The following P3H2 variants were observed in gnomAD, a reference collection of about 807,000 sequenced individuals.
P3H2 encodes the protein leprecan-like 1.
In P3H2, 80 loss-of-function variants were observed where a neutral mutation model predicts 87.0. The ratio of observed to expected loss-of-function variants is 0.92; its 90% CI spans 0.77 to 1.11. The LOEUF (loss-of-function observed/expected upper bound fraction) is 1.11, where lower values mean the gene tolerates loss of function less well. Ranked by LOEUF, P3H2 falls within the 50% of genes least tolerant of loss-of-function variation. P3H2 has a pLI of 0.00. For missense variants in P3H2, 1,001 were observed against 923.9 expected (o/e 1.08, Z -1.08); for synonymous variants, 367 against 359.3 (o/e 1.02, Z -0.24).
At chr3:189,989,906 T>G in intron 3 of P3H2, among the ~76,000 whole-genome samples, 1 of 152,176 alleles carries the variant, frequency 6.6e-6, no homozygotes, top group Non-Finnish European at 1.5e-5. Context: ...GAGAAGAAAA[T>G]GCCTCCTACG....
intron 1 of P3H2, among the ~76,000 whole-genome samples, chr3:190,042,691 C>G (rs1214030737): frequency 6.6e-6 from 1 of 152,148 alleles, no homozygotes; most frequent in African/African-American, 2.4e-5. Context: ...GACCTGAATT[C>G]AAAGGAATGG....
At chr3:190,044,814 T>A (rs556143964) in intron 1 of P3H2, among the ~76,000 whole-genome samples, 1 of 152,168 alleles carries the variant, frequency 6.6e-6, no homozygotes, top group Admixed American at 6.5e-5. Context: ...ATTGTCACTA[T>A]GATTTAGCGG....
chr3:190,035,451 T>C (rs1452184033), intron 1 of P3H2, among the ~76,000 whole-genome samples: 1 of 152,198 alleles, frequency 6.6e-6, no homozygotes, highest in Non-Finnish European at 1.5e-5. Context: ...TAAAGAGATA[T>C]TTAAAAGTTT....
intron 14 of P3H2, among the ~76,000 whole-genome samples, chr3:189,961,130 G>A (rs1478868383): frequency 5.3e-5 from 8 of 151,920 alleles, no homozygotes; most frequent in Non-Finnish European, 7.4e-5. Context: ...TAGTAGAGAC[G>A]GGGTTTCGCC....
At chr3:190,107,115 A>T (rs1346983217) in intron 1 of P3H2, among the ~76,000 whole-genome samples, 4 of 152,200 alleles carry the variant, frequency 2.6e-5, no homozygotes, top group Non-Finnish European at 5.9e-5. Flanking sequence ...TCAAGAAGAT[A>T]ATATAAGATG....
At chr3:190,056,451 T>C (rs924153086) in intron 1 of P3H2, among the ~76,000 whole-genome samples, 6 of 152,204 alleles carry the variant, frequency 3.9e-5, no homozygotes, top group South Asian at 2.1e-4. Flanking sequence ...TAAACATTCA[T>C]GGAAAAATAT....
At chr3:190,018,916 G>A (rs1356856773) in intron 1 of P3H2, among the ~76,000 whole-genome samples, 3 of 152,118 alleles carry the variant, frequency 2.0e-5, no homozygotes, top group East Asian at 3.9e-4. Flanking sequence ...TACAGCCATC[G>A]GCAAACTTCT....
chr3:189,963,570 G>A (rs1239282883), intron 14 of P3H2: 4 of 224,186 alleles, frequency 1.8e-5, no homozygotes, highest in African/African-American at 2.3e-5. Flanking sequence ...TCAGCTTCCC[G>A]AGTAACTGGA....
At chr3:190,098,176 G>C (rs1449881110) in intron 1 of P3H2, among the ~76,000 whole-genome samples, 3 of 152,104 alleles carry the variant, frequency 2.0e-5, no homozygotes, top group African/African-American at 7.2e-5. Flanking sequence ...TATAGAACTT[G>C]AACATTTCAA....
chr3:189,966,246 T>C (rs879518821), intron 13 of P3H2, among the ~76,000 whole-genome samples: 2 of 152,176 alleles, frequency 1.3e-5, no homozygotes, highest in Non-Finnish European at 2.9e-5. Flanking sequence ...TTTTCTGGGC[T>C]GCCCACTCCC....
intron 1 of P3H2, among the ~76,000 whole-genome samples, chr3:190,118,521 A>G (rs942389930): frequency 6.6e-6 from 1 of 151,744 alleles, no homozygotes; most frequent in Non-Finnish European, 1.5e-5. Flanking sequence ...TATACTTCAT[A>G]CATGCCTTAG....
intron 14 of P3H2, among the ~76,000 whole-genome samples, chr3:189,959,231 T>TC (rs1722733213): frequency 6.7e-6 from 1 of 149,914 alleles, no homozygotes. Context: ...CTGTCTCTTC[T>TC]TTTTTTTTTC....
chr3:190,012,207 G>GGGGTGTGTGT (rs1283396692), intron 1 of P3H2, among the ~76,000 whole-genome samples: 28 of 145,702 alleles, frequency 1.9e-4, no homozygotes, highest in Admixed American at 1.0e-3. Context: ...TGTAGGTAAA[G>GGGGTGTGTGT]GTGTGTGTGT....
intron 6 of P3H2, among the ~76,000 whole-genome samples, chr3:189,984,979 G>T (rs1723645481): frequency 6.6e-6 from 1 of 151,976 alleles, no homozygotes; most frequent in Non-Finnish European, 1.5e-5. Context: ...CATCTGTATA[G>T]ATCATGAAAT....
chr3:190,043,261 A>G (rs1290268109), intron 1 of P3H2, among the ~76,000 whole-genome samples: 2 of 152,216 alleles, frequency 1.3e-5, no homozygotes, highest in Non-Finnish European at 2.9e-5. Flanking sequence ...ATGAAAATTC[A>G]GGCAGTTGTC....
chr3:190,074,357 A>C (rs1280112954), intron 1 of P3H2, among the ~76,000 whole-genome samples: 1 of 152,046 alleles, frequency 6.6e-6, no homozygotes, highest in Non-Finnish European at 1.5e-5. Flanking sequence ...TAAAAATACA[A>C]AAAATTAGCC....
At chr3:190,029,881 A>C (rs1243683005) in intron 1 of P3H2, among the ~76,000 whole-genome samples, 1 of 152,070 alleles carries the variant, frequency 6.6e-6, no homozygotes, top group Non-Finnish European at 1.5e-5. Flanking sequence ...GGGCACCTGT[A>C]ATCCCAGCCA....
intron 1 of P3H2, among the ~76,000 whole-genome samples, chr3:190,095,726 G>T (rs922709678): frequency 6.6e-6 from 1 of 150,910 alleles, no homozygotes; most frequent in Non-Finnish European, 1.5e-5. Context: ...TCAGCCTCCC[G>T]AGTAGCTGGG....
At chr3:190,106,351 T>C (rs1711837076) in intron 1 of P3H2, among the ~76,000 whole-genome samples, 1 of 152,168 alleles carries the variant, frequency 6.6e-6, no homozygotes, top group South Asian at 2.1e-4. Context: ...CAGTGCGCAG[T>C]GTTGAACGTG....
Sources: gnomAD v4.1 joint callset for allele counts (sites outside exome capture counted in the v4.1 genomes callset) on GRCh38, gnomAD v4.1.1 for gene constraint, MANE v1.5 for transcripts, NCBI Gene and HGNC (gene_info 2026-07-23, HGNC 2026-07-21) for gene names.